HCRTR2: variants seen among roughly 807,000 people sequenced by gnomAD.
The protein encoded by HCRTR2 is hypocretin receptor 2.
A neutral mutation model predicts 49.0 loss-of-function variants in HCRTR2; 22 were observed. That is an observed-to-expected ratio of 0.45 (90% CI 0.32 to 0.64). HCRTR2 has a LOEUF of 0.64. Among genes scored for constraint, HCRTR2 ranks in the 30% least tolerant of loss-of-function variants. The pLI, the probability that HCRTR2 is intolerant of heterozygous loss-of-function variation, is 0.04. For missense variants in HCRTR2, 491 were observed against 559.4 expected, an observed-to-expected ratio of 0.88 and a Z score of 1.23; for synonymous variants, 236 against 205.3, an observed-to-expected ratio of 1.15 and a Z score of -1.28.
intron 1 of HCRTR2, among the ~76,000 whole-genome samples, chr6:55,122,836 A>C (rs1230778420): frequency 6.6e-6 from 1 of 152,018 alleles, no homozygotes; most frequent in Non-Finnish European, 1.5e-5. Context: ...ATGAAGCTGG[A>C]AACCGTCATT....
intron 1 of HCRTR2, among the ~76,000 whole-genome samples, chr6:55,175,174 C>T (rs1193072309): frequency 6.6e-6 from 1 of 151,676 alleles, no homozygotes; most frequent in Non-Finnish European, 1.5e-5. Context: ...CTTTGTGTAA[C>T]GTGGCTGGGT....
intron 1 of HCRTR2, among the ~76,000 whole-genome samples, chr6:55,177,539 G>T (rs73432887): frequency 9.4e-4 from 143 of 152,240 alleles, no homozygotes; most frequent in African/African-American, 3.2e-3. Flanking sequence ...TAAGTATGAA[G>T]GTAAAATACC....
intron 3 of HCRTR2, among the ~76,000 whole-genome samples, chr6:55,259,659 T>C (rs1259198136): frequency 1.3e-5 from 1 of 74,594 alleles, no homozygotes; most frequent in Admixed American, 1.1e-4. Context: ...GTTAGTTTCA[T>C]ATATATATAT....
intron 1 of HCRTR2, among the ~76,000 whole-genome samples, chr6:55,160,882 T>C (rs904772808): frequency 1.3e-5 from 2 of 152,122 alleles, no homozygotes; most frequent in African/African-American, 4.8e-5. Context: ...GTAATAATAG[T>C]GGGAGACTTT....
chr6:55,178,634 T>G (rs1765080595), intron 1 of HCRTR2, among the ~76,000 whole-genome samples: 1 of 152,182 alleles, frequency 6.6e-6, no homozygotes, highest in Non-Finnish European at 1.5e-5. Context: ...CCAGTCTGTA[T>G]CTCTGTAGCT....
At chr6:55,180,598 G>A (rs1270893321) in intron 1 of HCRTR2, among the ~76,000 whole-genome samples, 2 of 152,136 alleles carry the variant, frequency 1.3e-5, no homozygotes, top group African/African-American at 2.4e-5. Flanking sequence ...GAAAAAAAAT[G>A]TTAGATAATT....
At chr6:55,180,558 C>A (rs368387363) in intron 1 of HCRTR2, among the ~76,000 whole-genome samples, 1 of 143,422 alleles carries the variant, frequency 7.0e-6, no homozygotes, top group South Asian at 2.2e-4. Context: ...GCCAAAAATG[C>A]TTTTACCTGT....
At chr6:55,162,593 T>G (rs1380503960) in intron 1 of HCRTR2, among the ~76,000 whole-genome samples, 2 of 152,156 alleles carry the variant, frequency 1.3e-5, no homozygotes, top group African/African-American at 2.4e-5. Context: ...AAAACCCCAT[T>G]GTCTCAGCCC....
chr6:55,277,413 T>C lies in HCRTR2; in HGVS notation c.796T>C (p.Trp266Arg). 2 of 1,614,032 alleles carry C rather than the reference T, an allele frequency of 1.2e-6. No individual in the cohort carries two copies. The highest frequency in any genetic ancestry group is 1.7e-6 in the Non-Finnish European group (2 of 1,179,974). Residue 266 changes from tryptophan to arginine, a missense_variant, in exon 5 of 7, where the codon TGG becomes CGG. Transcript: ENST00000370862. The part of the protein sequence containing the change: ...PGTSSVVQRK[W>R]KPLQPVSQPR... ...AACATCATCTGTAGTTCAGAGAAAA[T>C]GGAAGCCCCTGCAGCCTGTTTCACA...
chr6:55,109,184 G>A (rs1364826068), intron 1 of HCRTR2, among the ~76,000 whole-genome samples: 2 of 152,132 alleles, frequency 1.3e-5, no homozygotes, highest in Non-Finnish European at 2.9e-5. Flanking sequence ...CCATTCCTAG[G>A]GGAAGAGGGA....
chr6:55,147,661 T>C (rs1305676682), intron 1 of HCRTR2, among the ~76,000 whole-genome samples: 14 of 152,218 alleles, frequency 9.2e-5, no homozygotes, highest in African/African-American at 3.4e-4. Flanking sequence ...TTCATTTTGA[T>C]GATCTGTCGG....
At chr6:55,213,979 CAA>C (rs771773826) in intron 1 of HCRTR2, among the ~76,000 whole-genome samples, 8 of 127,862 alleles carry the variant, frequency 6.3e-5, no homozygotes, top group Admixed American at 1.6e-4. Context: ...GTGATGTATC[CAA>C]AAAAAAAAAA....
intron 3 of HCRTR2, among the ~76,000 whole-genome samples, chr6:55,257,172 A>T (rs932958530): frequency 6.6e-6 from 1 of 152,094 alleles, no homozygotes; most frequent in African/African-American, 2.4e-5. Context: ...TAAATAATTG[A>T]ATTTTGAAAC....
At chr6:55,249,933 A>G (rs1389173958) in intron 2 of HCRTR2, among the ~76,000 whole-genome samples, 4 of 152,066 alleles carry the variant, frequency 2.6e-5, no homozygotes, top group African/African-American at 9.7e-5. Flanking sequence ...TTTTAAGAAA[A>G]CAGAAAATAA....
chr6:55,268,849 G>A (rs1481385960), intron 4 of HCRTR2, among the ~76,000 whole-genome samples: 1 of 152,038 alleles, frequency 6.6e-6, no homozygotes, highest in African/African-American at 2.4e-5. Flanking sequence ...CCAGCACTTT[G>A]GGAGGCTGAG....
intron 1 of HCRTR2, among the ~76,000 whole-genome samples, chr6:55,133,703 AT>A (rs1226065129): frequency 8.0e-5 from 11 of 137,702 alleles, no homozygotes; most frequent in African/African-American, 2.3e-4. Flanking sequence ...CTATCTATCT[AT>A]ATCTCCATCT....
At chr6:55,243,981 T>A (rs539929374) in intron 1 of HCRTR2, among the ~76,000 whole-genome samples, 1 of 152,208 alleles carries the variant, frequency 6.6e-6, no homozygotes, top group East Asian at 1.9e-4. Flanking sequence ...GGATACTATT[T>A]AATTGGTTAA....
chr6:55,229,719 G>C (rs897571364), intron 1 of HCRTR2, among the ~76,000 whole-genome samples: 11 of 152,172 alleles, frequency 7.2e-5, no homozygotes, highest in Non-Finnish European at 1.6e-4. Flanking sequence ...AATGGTAGTT[G>C]CCAGGGGCTG....
At chr6:55,283,236 G>A (rs1048613147), downstream of HCRTR2, among the ~76,000 whole-genome samples, 1 of 152,180 alleles carries the variant, frequency 6.6e-6, no homozygotes, top group African/African-American at 2.4e-5. Flanking sequence ...ATGCACCACT[G>A]TGCTAGGTGC....
Sources: gnomAD v4.1 joint callset for allele counts (sites outside exome capture counted in the v4.1 genomes callset) on GRCh38, gnomAD v4.1.1 for gene constraint, MANE v1.5 for transcripts, NCBI Gene and HGNC (gene_info 2026-07-23, HGNC 2026-07-21) for gene names.